Variants in COL22A1 observed in about 807,000 individuals in gnomAD.
The protein encoded by COL22A1 is collagen alpha-1(XXII) chain.
In COL22A1, 221 loss-of-function variants were observed where a neutral mutation model predicts 248.9. The observed-to-expected ratio is 0.89, with a 90% confidence interval of 0.80 to 0.99. The LOEUF (loss-of-function observed/expected upper bound fraction) is 0.99. Among genes scored for constraint, COL22A1 ranks in the 50% least tolerant of loss-of-function variants. COL22A1 has a pLI of 0.00. For synonymous variants in COL22A1, 891 were observed against 793.4 expected (o/e 1.12, Z -2.07); for missense variants, 2,240 against 2,179.0 (o/e 1.03, Z -0.56).
Position 138,594,043 on chromosome 8 carries a change from C to T in COL22A1, c.4589G>A (p.Gly1530Glu). The change falls in exon 63 of 65, where the codon GGA (glycine) becomes GAA (glutamate). Residue 1530 changes from glycine (G) to glutamate (E), a missense_variant. Physicochemically the swap from Gly to Glu is moderately conservative, Grantham distance 98. Coordinates refer to ENST00000303045, the MANE Select transcript of COL22A1 (RefSeq NM_152888.3). The part of the protein sequence containing the change: ...PGRPGQGGLE[G>E]PSGPIGPKGE... ...TTTGGGACCTATGGGTCCAGAGGGTCCTTCCAGACCCCCCTGCCCAGGACG... is the reference window on the plus strand; with the variant it reads ...TTTGGGACCTATGGGTCCAGAGGGTTCTTCCAGACCCCCCTGCCCAGGACG... 1 of 1,585,624 alleles carries T rather than the reference C, an allele frequency of 6.3e-7. No homozygotes were observed. The highest frequency in any genetic ancestry group is 1.1e-5 in the South Asian group (1 of 87,676).
intron 47 of COL22A1, among the ~76,000 whole-genome samples, chr8:138,644,869 C>T (rs997831045): frequency 1.3e-5 from 2 of 152,110 alleles, no homozygotes; most frequent in African/African-American, 2.4e-5. Flanking sequence ...CTGCTGGAGG[C>T]TATGCTTCCC....
chr8:138,877,654 GGCC>G (rs1823825502), intron 3 of COL22A1, 93 bp downstream of exon 3: 1 of 1,275,858 alleles, frequency 7.8e-7, no homozygotes, highest in Non-Finnish European at 1.1e-6. Flanking sequence ...TCCTGGAGCC[GGCC>G]GTAGGATCCC....
chr8:138,800,935 C>G (rs1320860046), intron 11 of COL22A1, among the ~76,000 whole-genome samples: 1 of 152,234 alleles, frequency 6.6e-6, no homozygotes, highest in African/African-American at 2.4e-5. Flanking sequence ...AGTTACCACT[C>G]TTCTCTGAGC....
At chr8:138,684,617 T>C in intron 38 of COL22A1, 148 bp from the exon 39 acceptor site, 1 of 669,346 alleles carries the variant, frequency 1.5e-6, no homozygotes, top group Non-Finnish European at 2.7e-6. Context: ...AGAAACAGAA[T>C]CTGGTTTTGA....
At chr8:138,617,351 C>G (rs1819421460) in intron 53 of COL22A1, among the ~76,000 whole-genome samples, 1 of 137,588 alleles carries the variant, frequency 7.3e-6, no homozygotes, top group South Asian at 2.7e-4. Flanking sequence ...GGAACATCAC[C>G]TTCACCCAGA....
chr8:138,720,790 T>A lies in COL22A1; in HGVS notation c.2304A>T (p.Gly768=). The A allele has an allele frequency of 6.2e-7, 1 of 1,613,204 alleles. No individual in the cohort carries two copies. The highest frequency in any genetic ancestry group is 2.2e-5 in the East Asian group (1 of 44,856). ...NGPPGPPGTK[G]EPGERGEDGL... ...CATCTTCCCCTCTTTCTCCTGGTTC[T>A]CCCTGGAAGGAATACAGAGCAAAGT... Residue 768 remains glycine, a splice_region_variant and synonymous_variant, in exon 27 of 65, where the codon GGA becomes GGT. Transcript: ENST00000303045.
At chr8:138,661,705 G>A (rs1209389810) in intron 43 of COL22A1, among the ~76,000 whole-genome samples, 9 of 152,096 alleles carry the variant, frequency 5.9e-5, no homozygotes, top group Non-Finnish European at 1.3e-4. Context: ...CCTGGAGAAG[G>A]CAGTGCCTGA....
intron 12 of COL22A1, among the ~76,000 whole-genome samples, chr8:138,796,595 T>C (rs984739195): frequency 1.3e-4 from 20 of 152,122 alleles, no homozygotes; most frequent in Middle Eastern, 3.4e-3. Context: ...ACCACCATTT[T>C]ACCATTTTCT....
chr8:138,759,781 T>C (rs2131383107), intron 18 of COL22A1, among the ~76,000 whole-genome samples: 1 of 152,274 alleles, frequency 6.6e-6, no homozygotes, highest in South Asian at 2.1e-4. Context: ...GTTTTTCAAA[T>C]ACCTAGGGCA....
At chr8:138,628,013 A>T (rs1820395002) in intron 50 of COL22A1, among the ~76,000 whole-genome samples, 1 of 152,216 alleles carries the variant, frequency 6.6e-6, no homozygotes, top group Non-Finnish European at 1.5e-5. Flanking sequence ...AGGTTAGGAA[A>T]AAAAATCCTA....
rs545630674 is a variant in COL22A1, at chr8:138,653,973, G to A, written c.3333+1924C>T. Among the ~76,000 whole-genome samples the A allele has an allele frequency of 5.3e-5, 8 of 152,332 alleles. No individual in the cohort carries two copies. In the South Asian group the frequency reaches 6.2e-4, roughly 12 times the overall value. On this transcript the variant is annotated intron_variant, in intron 45 of 64. Coordinates refer to ENST00000303045, the MANE Select transcript of COL22A1 (RefSeq NM_152888.3). ...TCCACAGGCTACCCTGCACGTAGGC[G>A]CTTGCATTCCTTCTGGGGTTTCCAG...
At chr8:138,720,464 C>T (rs971948618) in intron 27 of COL22A1, among the ~76,000 whole-genome samples, 1 of 152,032 alleles carries the variant, frequency 6.6e-6, no homozygotes, top group African/African-American at 2.4e-5. Flanking sequence ...GGGGATAGTG[C>T]CTTCTTCTCC....
chr8:138,678,219 G>C (rs1331742654), intron 40 of COL22A1, among the ~76,000 whole-genome samples: 1 of 152,314 alleles, frequency 6.6e-6, no homozygotes, highest in East Asian at 1.9e-4. Flanking sequence ...GCTAAGTTCA[G>C]AAGAGAAGGG....
chr8:138,674,063 CT>C (rs1277506517), intron 41 of COL22A1, among the ~76,000 whole-genome samples: 1 of 152,166 alleles, frequency 6.6e-6, no homozygotes, highest in Non-Finnish European at 1.5e-5. Flanking sequence ...GGCTTGCTTT[CT>C]TTGTCTGTCT....
chr8:138,878,181 C>G lies in COL22A1; in HGVS notation c.227G>C (p.Arg76Pro), dbSNP rs1206916359. 2.5e-6 allele frequency: 4 copies of G among 1,600,770 alleles called. No individual in the cohort carries two copies. The highest frequency in any genetic ancestry group is 3.4e-6 in the Non-Finnish European group (4 of 1,174,554). ...DTFEVGPDRT[R>P]VGVVRYSDRP... ...GTCGCTGTAGCGCACGACCCCCACA[C>G]GGGTGCGGTCGGGGCCCACCTCGAA... Residue 76 changes from arginine (R) to proline (P), a missense_variant, in exon 3 of 65, where the codon CGT (arginine) becomes CCT (proline). Transcript: ENST00000303045.
chr8:138,686,068 C>T (rs1826323281), intron 37 of COL22A1, among the ~76,000 whole-genome samples: 1 of 152,180 alleles, frequency 6.6e-6, no homozygotes, highest in Non-Finnish European at 1.5e-5. Context: ...TTTCTTTATA[C>T]TCAACCTTCT....
At chr8:138,739,199 C>G (rs1831364580) in intron 22 of COL22A1, among the ~76,000 whole-genome samples, 1 of 152,190 alleles carries the variant, frequency 6.6e-6, no homozygotes, top group African/African-American at 2.4e-5. Flanking sequence ...CCAGCCTGCC[C>G]TCCATGACCT....
At chr8:138,848,205 G>T (rs1393947307) in intron 3 of COL22A1, among the ~76,000 whole-genome samples, 1 of 152,160 alleles carries the variant, frequency 6.6e-6, no homozygotes, top group Non-Finnish European at 1.5e-5. Context: ...ACACAAAAAC[G>T]AAAACATCTA....
intron 2 of COL22A1, among the ~76,000 whole-genome samples, 173 bp from the exon 3 acceptor site, chr8:138,878,489 CT>C (rs34497673): frequency 6.6e-6 from 1 of 152,130 alleles, no homozygotes; most frequent in Non-Finnish European, 1.5e-5. Flanking sequence ...GTTTCCACAC[CT>C]TCACATGGCA....
Sources: allele counts gnomAD v4.1 joint callset (sites outside exome capture counted in the v4.1 genomes callset), GRCh38; gene constraint gnomAD v4.1.1; transcripts MANE v1.5; gene names NCBI Gene and HGNC (gene_info 2026-07-23, HGNC 2026-07-21).